The following SPEF2 variants were observed in gnomAD, a reference collection of about 807,000 sequenced individuals.
The protein encoded by SPEF2 is sperm flagellar and cilia associated 2.
SPEF2 carries 187 observed loss-of-function variants against 224.6 expected under a neutral mutation model. The observed-to-expected ratio is 0.83, with a 90% CI of 0.74 to 0.94. The LOEUF is 0.94. SPEF2 is among the 40% of genes least tolerant of loss of function. SPEF2 has a pLI of 0.00. For missense variants in SPEF2, 2,170 were observed against 2,135.6 expected (o/e 1.02, Z -0.32); for synonymous variants, 715 against 707.3 (o/e 1.01, Z -0.17).
Position 35,759,607 on chromosome 5 carries a change from C to A in SPEF2, c.3508C>A (p.Gln1170Lys), listed in dbSNP as rs757434188. ...TTTCCAAGATACAAAGAGACTCCTT[C>A]AAGATTATTACTGGGGAATGGAAAG... is the stretch of plus-strand genomic sequence containing the variant. Reference protein sequence around the residue: ...NRFQDTKRLLQDYYWGMESKI... With the variant: ...NRFQDTKRLLKDYYWGMESKI... Residue 1170 changes from glutamine to lysine, a missense_variant, in exon 25 of 37, where the codon CAA (glutamine) becomes AAA (lysine). Transcript: ENST00000356031. 3.1e-6 allele frequency: 5 copies of A among 1,610,354 alleles called. No individual in the cohort carries two copies. The highest frequency in any genetic ancestry group is 4.2e-6 in the Non-Finnish European group (5 of 1,177,592).
intron 23 of SPEF2, among the ~76,000 whole-genome samples, chr5:35,749,610 CA>C (rs201038681): frequency 1.3e-5 from 2 of 151,216 alleles, no homozygotes; most frequent in South Asian, 2.1e-4. Flanking sequence ...ACCATAGCTG[CA>C]AAAAAAATGA....
intron 34 of SPEF2, among the ~76,000 whole-genome samples, chr5:35,802,282 C>A (rs758685706): frequency 2.6e-5 from 4 of 152,170 alleles, no homozygotes; most frequent in Non-Finnish European, 5.9e-5. Context: ...CATCCCCTGA[C>A]AACACTGAGC....
intron 7 of SPEF2, among the ~76,000 whole-genome samples, chr5:35,656,402 T>G (rs1748961018): frequency 6.6e-6 from 1 of 152,220 alleles, no homozygotes; most frequent in African/African-American, 2.4e-5. Context: ...GAAAGTTATT[T>G]CTTCATATTC....
chr5:35,700,462 C>G (rs1738381229), intron 15 of SPEF2, 34 bp from the exon 16 acceptor site: 1 of 1,576,470 alleles, frequency 6.3e-7, no homozygotes, highest in East Asian at 2.3e-5. Flanking sequence ...TTGTGTCTAA[C>G]AAAATATTCA....
At chr5:35,783,060 T>C (rs974951842) in intron 30 of SPEF2, among the ~76,000 whole-genome samples, 6 of 152,248 alleles carry the variant, frequency 3.9e-5, no homozygotes, top group Non-Finnish European at 7.4e-5. Context: ...ACAGTATGAG[T>C]AAAAGAAAGC....
intron 20 of SPEF2, among the ~76,000 whole-genome samples, chr5:35,722,201 C>G (rs1743810320): frequency 6.6e-6 from 1 of 152,092 alleles, no homozygotes; most frequent in Non-Finnish European, 1.5e-5. Flanking sequence ...GGAGTAAAAC[C>G]CTTTGGCTGG....
Position 35,641,517 on chromosome 5 carries a change from A to T in SPEF2, c.248A>T (p.His83Leu). 1 of 1,613,866 alleles carries T rather than the reference A, an allele frequency of 6.2e-7. No individual in the cohort carries two copies. The highest frequency in any genetic ancestry group is 1.3e-5 in the African/African-American group (1 of 75,026). The change falls in exon 3 of 37, where the codon CAT becomes CTT. Residue 83 changes from histidine (H) to leucine (L), a missense_variant. By Grantham distance (99) the His-to-Leu change is moderately conservative. Transcript: ENST00000356031. ...LGVQFDQNVA[H>L]GIITEKPGVA... ...GTGCAGTTTGATCAGAATGTGGCCC[A>T]TGGCATCATCACAGAAAAGCCTGGG...
intron 23 of SPEF2, among the ~76,000 whole-genome samples, chr5:35,745,288 T>C (rs1421973272): frequency 6.6e-6 from 1 of 151,958 alleles, no homozygotes; most frequent in Admixed American, 6.5e-5. Flanking sequence ...AGCTGAACCT[T>C]GTAACAATTT....
intron 36 of SPEF2, chr5:35,807,633 C>CT: frequency 6.5e-7 from 1 of 1,534,854 alleles, no homozygotes; most frequent in Non-Finnish European, 8.7e-7. Context: ...ACTCTAATCA[C>CT]GCAAGGTACA....
intron 20 of SPEF2, among the ~76,000 whole-genome samples, chr5:35,723,844 G>A (rs774625380): frequency 2.2e-4 from 33 of 152,290 alleles, no homozygotes; most frequent in Non-Finnish European, 1.9e-4. Context: ...ATGCAAGGTC[G>A]TCATAGATTT....
chr5:35,732,162 G>A (rs1383131630), intron 21 of SPEF2, among the ~76,000 whole-genome samples: 1 of 152,166 alleles, frequency 6.6e-6, no homozygotes, highest in Non-Finnish European at 1.5e-5. Context: ...GAGCAAGGCT[G>A]GATATGGGGA....
chr5:35,746,751 A>T (rs1210553710), intron 23 of SPEF2, among the ~76,000 whole-genome samples: 3 of 152,144 alleles, frequency 2.0e-5, no homozygotes, highest in Non-Finnish European at 4.4e-5. Flanking sequence ...ACATATTTAG[A>T]GGAATAATTG....
chr5:35,764,112 C>G (rs73747935), intron 26 of SPEF2, among the ~76,000 whole-genome samples: 1,995 of 152,166 alleles, frequency 0.013, 47 homozygotes, highest in African/African-American at 0.046. Context: ...CCAAGAAAAG[C>G]CAGACATTCA....
intron 3 of SPEF2, among the ~76,000 whole-genome samples, chr5:35,642,138 GTC>G (rs1746700551): frequency 6.6e-6 from 1 of 152,146 alleles, no homozygotes. Flanking sequence ...CTGCTAAAAT[GTC>G]TCTCAATCTT....
chr5:35,699,987 G>A (rs6862856), intron 15 of SPEF2: 82,638 of 154,118 alleles, frequency 0.54, 22,608 homozygotes, highest in African/African-American at 0.56. Flanking sequence ...AATCGTGGGG[G>A]CGGTGCTTTC....
Position 35,806,943 on chromosome 5 carries a change from T to C in SPEF2, c.5247T>C (p.Ile1749=), listed in dbSNP as rs1288157550. 2 of 1,599,796 alleles carry C rather than the reference T, an allele frequency of 1.3e-6. No homozygotes were observed. Among genetic ancestry groups the C allele is most frequent in the Non-Finnish European group, 1.7e-6 (2 of 1,174,684 alleles). ...CCAGCCACCTAAAGATAGAGAACATTTATGCAGAGGTTGGTTAAATTATTT... is the reference window on the plus strand; with the variant it reads ...CCAGCCACCTAAAGATAGAGAACATCTATGCAGAGGTTGGTTAAATTATTT... ...RFASHLKIEN[I]YAEGFIKTFQ... is the part of the protein sequence containing the mutation. The change falls in exon 35 of 37, where the codon ATT becomes ATC. Residue 1749 remains isoleucine, a synonymous_variant. Transcript: ENST00000356031.
At chr5:35,683,108 G>C (rs558247111) in intron 10 of SPEF2, among the ~76,000 whole-genome samples, 7 of 152,086 alleles carry the variant, frequency 4.6e-5, no homozygotes, top group Non-Finnish European at 1.0e-4. Context: ...AAACTAAAAA[G>C]ATATGAGAGA....
At chr5:35,712,140 G>A (rs1041478935) in intron 19 of SPEF2, among the ~76,000 whole-genome samples, 15 of 152,030 alleles carry the variant, frequency 9.9e-5, no homozygotes, top group African/African-American at 3.4e-4. Context: ...GAAGTCACAA[G>A]GCAACCAAGA....
intron 2 of SPEF2, among the ~76,000 whole-genome samples, chr5:35,635,964 T>A (rs981337812): frequency 2.0e-5 from 3 of 152,160 alleles, no homozygotes; most frequent in African/African-American, 7.2e-5. Flanking sequence ...TCTATTCACT[T>A]TTTTTTCCTT....
Sources: allele counts gnomAD v4.1 joint callset (sites outside exome capture counted in the v4.1 genomes callset), GRCh38; gene constraint gnomAD v4.1.1; transcripts MANE v1.5; gene names NCBI Gene and HGNC (gene_info 2026-07-23, HGNC 2026-07-21).